The following FAM20A variants were observed in gnomAD, a reference collection of about 807,000 sequenced individuals.
FAM20A encodes FAM20A golgi associated secretory pathway pseudokinase.
FAM20A carries 42 observed loss-of-function variants against 52.0 expected under a neutral mutation model. That is an observed-to-expected ratio of 0.81 (90% CI 0.63 to 1.04). The LOEUF (loss-of-function observed/expected upper bound fraction) is 1.04. FAM20A is among the 50% of genes least tolerant of loss of function. The pLI, the probability that FAM20A is intolerant of heterozygous loss-of-function variation, is 0.00. For missense variants in FAM20A, 742 were observed against 712.7 expected, an observed-to-expected ratio of 1.04 and a Z score of -0.47; for synonymous variants, 304 against 298.9, an observed-to-expected ratio of 1.02 and a Z score of -0.18.
chr17:68,590,786 C>CG (rs2088282326), intron 1 of FAM20A, among the ~76,000 whole-genome samples: 1 of 152,138 alleles, frequency 6.6e-6, no homozygotes, highest in Non-Finnish European at 1.5e-5. Flanking sequence ...CATCTTGGTT[C>CG]GGGGGAACTG....
chr17:68,543,851 C>G (rs2086424774), intron 4 of FAM20A, 130 bp from the exon 5 acceptor site: 2 of 793,758 alleles, frequency 2.5e-6, no homozygotes, highest in Non-Finnish European at 4.3e-6. Flanking sequence ...CAGGCGATGG[C>G]ACGGCAAGTC....
chr17:68,576,391 G>C (rs1244199640), intron 1 of FAM20A, among the ~76,000 whole-genome samples: 1 of 152,186 alleles, frequency 6.6e-6, no homozygotes, highest in Admixed American at 6.5e-5. Context: ...GTGAGTGGCA[G>C]GCACAGTGCA....
intron 1 of FAM20A, among the ~76,000 whole-genome samples, chr17:68,570,530 T>C (rs1269745751): frequency 6.6e-6 from 1 of 152,224 alleles, no homozygotes; most frequent in Non-Finnish European, 1.5e-5. Flanking sequence ...GAGAAGTTGA[T>C]TTGCATGCTC....
At chr17:68,567,930 C>A (rs889366750) in intron 1 of FAM20A, among the ~76,000 whole-genome samples, 11 of 151,948 alleles carry the variant, frequency 7.2e-5, no homozygotes, top group Admixed American at 2.0e-4. Context: ...TCTCCTTCAC[C>A]TCCCGCCATG....
intron 1 of FAM20A, among the ~76,000 whole-genome samples, chr17:68,565,453 G>A (rs934287163): frequency 6.9e-6 from 1 of 145,214 alleles, no homozygotes; most frequent in East Asian, 2.0e-4. Context: ...GAGTGCAGTG[G>A]CCCGGTCTTG....
chr17:68,556,544 A>C (rs151270766), intron 1 of FAM20A, among the ~76,000 whole-genome samples: 1 of 149,220 alleles, frequency 6.7e-6, no homozygotes, highest in East Asian at 2.1e-4. Flanking sequence ...TGAAGAAGGC[A>C]GACTTCAGCT....
At chr17:68,575,761 T>C (rs1321319299) in intron 1 of FAM20A, among the ~76,000 whole-genome samples, 3 of 123,398 alleles carry the variant, frequency 2.4e-5, no homozygotes, top group East Asian at 4.2e-4. Context: ...ATATATATTT[T>C]ATATTTTATA....
At chr17:68,540,115 G>A in intron 8 of FAM20A, 149 bp from the exon 9 acceptor site, 1 of 727,900 alleles carries the variant, frequency 1.4e-6, no homozygotes, top group Non-Finnish European at 2.5e-6. Flanking sequence ...ATTTCCTCAG[G>A]GCCATCAGTG....
chr17:68,574,218 C>G (rs1258263985), intron 1 of FAM20A, among the ~76,000 whole-genome samples: 1 of 152,082 alleles, frequency 6.6e-6, no homozygotes, highest in Non-Finnish European at 1.5e-5. Context: ...GCGTGTGCCA[C>G]CATGCCCGGC....
intron 1 of FAM20A, among the ~76,000 whole-genome samples, chr17:68,580,350 G>A (rs948206680): frequency 2.4e-4 from 36 of 152,120 alleles, no homozygotes; most frequent in African/African-American, 7.2e-4. Context: ...AGATTTTTGC[G>A]AAATGGGCTG....
chr17:68,543,691 G>A lies in FAM20A; in HGVS notation c.750C>T (p.Asp250=). ...RQQRDEETPV[D]FFYFIDFQRH... ...TCTGAAAGTCAATGAAGTAGAAGAA[G>A]TCCACTGGTGTCTCCTCATCTCGCT... Residue 250 remains aspartate, a synonymous_variant, in exon 5 of 11, where the codon GAC becomes GAT. Transcript: ENST00000592554. 6.2e-7 allele frequency: 1 copy of A among 1,614,160 alleles called. No individual in the cohort carries two copies.
Position 68,535,856 on chromosome 17 carries a change from C to T in FAM20A, c.*1621G>A, listed in dbSNP as rs542063388. The T allele has an allele frequency of 1.0e-4, 46 of 453,612 alleles. 1 individual carries two copies. The Middle Eastern group carries it at 3.5e-3, about 34-fold the overall frequency. 28.1% of individuals were successfully genotyped at this position (453,612 alleles called of 1,614,324 possible). On this transcript the variant is annotated 3_prime_UTR_variant, in exon 11 of 11. Transcript: ENST00000592554. ...TTGACTTCATAAATTGGGTGGGATA[C>T]TGTTGGGTTTTGTGTTACAGTGAAA...
intron 1 of FAM20A, among the ~76,000 whole-genome samples, chr17:68,568,609 ACT>A (rs1313149219): frequency 6.6e-6 from 1 of 151,754 alleles, no homozygotes; most frequent in Non-Finnish European, 1.5e-5. Flanking sequence ...GGGGAGTTTC[ACT>A]CTCTAGGGGA....
At chr17:68,577,242 G>T (rs925854525) in intron 1 of FAM20A, among the ~76,000 whole-genome samples, 2 of 152,178 alleles carry the variant, frequency 1.3e-5, no homozygotes, top group South Asian at 4.1e-4. Flanking sequence ...ATTTCCTTAC[G>T]TAGCACACAC....
intron 1 of FAM20A, among the ~76,000 whole-genome samples, chr17:68,575,700 ATATT>A (rs1284026020): frequency 8.1e-6 from 1 of 123,204 alleles, no homozygotes; most frequent in African/African-American, 3.1e-5. Context: ...TATATTATAT[ATATT>A]ATATATTATA....
Position 68,554,045 on chromosome 17 carries a change from TAC to T in FAM20A, c.640+730_640+731del, listed in dbSNP as rs2086975202. ...ATACATATATACACACATGCATATA[TAC>T]ACATATACACATATACACACATATA... On this transcript the variant is annotated intron_variant, in intron 3 of 10. Transcript: ENST00000592554. 3.0e-5 allele frequency among the ~76,000 whole-genome samples: 4 copies of T among 133,172 alleles called. 1 individual carries two copies. The highest frequency in any genetic ancestry group is 1.0e-4 in the African/African-American group (3 of 28,582). 87.4% of individuals were successfully genotyped at this position (133,172 alleles called of 152,430 possible).
rs766632624 is a variant in FAM20A, at chr17:68,551,954, G to A, written c.641-3C>T. On this transcript the variant is annotated splice_polypyrimidine_tract_variant and splice_region_variant and intron_variant, in intron 3 of 10. Transcript: ENST00000592554. ...GTGGACCCCACTGGGTTTCACAACT[G>A]TGAAAGGCAGAAGGGTGAGTTAACC... 7 of 1,576,026 alleles carry A rather than the reference G, an allele frequency of 4.4e-6. No individual in the cohort carries two copies. In the East Asian group the frequency reaches 1.6e-4, roughly 36 times the overall value.
chr17:68,570,662 G>A (rs1010711146), intron 1 of FAM20A, among the ~76,000 whole-genome samples: 11 of 152,282 alleles, frequency 7.2e-5, no homozygotes, highest in African/African-American at 2.2e-4. Context: ...AGGATGAACC[G>A]AAATGATAAT....
rs9915464 is a variant in FAM20A, at chr17:68,555,887, T to G, written c.405-144A>C. The G allele has an allele frequency of 5.3e-3, 5,391 of 1,025,156 alleles. 209 individuals are homozygous for G. The African/African-American group carries it at 0.077, about 15-fold the overall frequency. 63.5% of individuals were successfully genotyped at this position (1,025,156 alleles called of 1,614,324 possible). On this transcript the variant is annotated intron_variant, in intron 1 of 10. Coordinates refer to ENST00000592554, the MANE Select transcript of FAM20A (RefSeq NM_017565.4). Reference sequence around the variant, plus strand: ...ATGAGGGCTAGGCTTTAAGCTGTGCTTAGGATATCTTGGGGAGCAAAACAC... The same window carrying G: ...ATGAGGGCTAGGCTTTAAGCTGTGCGTAGGATATCTTGGGGAGCAAAACAC...
Sources: allele counts gnomAD v4.1 joint callset (sites outside exome capture counted in the v4.1 genomes callset), GRCh38; gene constraint gnomAD v4.1.1; transcripts MANE v1.5; gene names NCBI Gene and HGNC (gene_info 2026-07-23, HGNC 2026-07-21).